Variants in SLC47A2 observed in about 807,000 individuals in gnomAD.
SLC47A2 encodes the protein solute carrier family 47 member 2, also known as multidrug and toxin extrusion protein 2.
A neutral mutation model predicts 67.7 loss-of-function variants in SLC47A2; 52 were observed. The observed-to-expected ratio is 0.77, with a 90% CI of 0.61 to 0.97. The LOEUF (loss-of-function observed/expected upper bound fraction) is 0.97, where lower values mean the gene tolerates loss of function less well. Among genes scored for constraint, SLC47A2 ranks in the 50% least tolerant of loss-of-function variants. The probability of loss-of-function intolerance (pLI) is 0.00; values close to 1 mark genes in which losing one functional copy is unlikely to be tolerated. For missense variants in SLC47A2, 676 were observed against 712.3 expected (o/e 0.95, Z 0.58); for synonymous variants, 278 against 292.9 (o/e 0.95, Z 0.52).
intron 10 of SLC47A2, chr17:19,705,215 A>G (rs892703619): frequency 1.0e-5 from 5 of 495,860 alleles, no homozygotes; most frequent in African/African-American, 4.0e-5. Flanking sequence ...TAAAATTCCA[A>G]CATCTGTGAG....
chr17:19,718,856 T>G (rs1236320327), upstream of SLC47A2: 1 of 152,178 alleles, frequency 6.6e-6, no homozygotes, highest in African/African-American at 2.4e-5. Flanking sequence ...CTTCAGGCCC[T>G]CCTTTTGTGG....
At chr17:19,702,359 A>G in intron 13 of SLC47A2, 6 of 985,410 alleles carry the variant, frequency 6.1e-6, no homozygotes, top group Non-Finnish European at 6.0e-6. Flanking sequence ...ACACTGCTGC[A>G]ATTTTTCAGT....
chr17:19,708,886 C>T (rs2086020880), intron 5 of SLC47A2, 126 bp from the exon 6 acceptor site: 8 of 1,230,090 alleles, frequency 6.5e-6, no homozygotes, highest in Non-Finnish European at 9.2e-6. Context: ...CAAAGTATGT[C>T]TGGGACCTCT....
intron 13 of SLC47A2, among the ~76,000 whole-genome samples, chr17:19,684,340 G>C (rs1597590889): frequency 6.6e-6 from 1 of 152,024 alleles, no homozygotes; most frequent in Non-Finnish European, 1.5e-5. Context: ...ATAAGTCAAA[G>C]AATAAATCAC....
chr17:19,717,132 T>C (rs2086286320), upstream of SLC47A2: 1 of 153,464 alleles, frequency 6.5e-6, no homozygotes, highest in Non-Finnish European at 1.4e-5. Flanking sequence ...TAGCCTTTCA[T>C]GCTGGAGGGG....
chr17:19,696,233 A>C (rs1426445161), intron 13 of SLC47A2, among the ~76,000 whole-genome samples: 2 of 149,802 alleles, frequency 1.3e-5, no homozygotes, highest in African/African-American at 4.9e-5. Context: ...TGGGCAGATC[A>C]TGAGATCAGG....
chr17:19,686,392 G>A (rs139056838), intron 13 of SLC47A2, among the ~76,000 whole-genome samples: 88 of 152,212 alleles, frequency 5.8e-4, no homozygotes, highest in African/African-American at 2.0e-3. Context: ...AAGAAAGGAA[G>A]AGAAGACCAC....
chr17:19,717,415 C>G (rs1159741943), upstream of SLC47A2: 1 of 152,416 alleles, frequency 6.6e-6, no homozygotes, highest in Non-Finnish European at 1.5e-5. Flanking sequence ...TCAAGACCAG[C>G]AGGGCAGTGG....
At chr17:19,693,505 G>A (rs2085588614) in intron 13 of SLC47A2, among the ~76,000 whole-genome samples, 1 of 152,042 alleles carries the variant, frequency 6.6e-6, no homozygotes, top group East Asian at 1.9e-4. Context: ...GGGCACAGTG[G>A]CTTACACCTG....
chr17:19,684,725 A>C (rs887382265), intron 13 of SLC47A2, among the ~76,000 whole-genome samples: 1 of 151,978 alleles, frequency 6.6e-6, no homozygotes, highest in African/African-American at 2.4e-5. Flanking sequence ...AAAGTTAAAA[A>C]ATAAATAGAT....
intron 13 of SLC47A2, among the ~76,000 whole-genome samples, chr17:19,686,560 A>T (rs1015446865): frequency 2.4e-4 from 36 of 152,352 alleles, no homozygotes; most frequent in African/African-American, 8.7e-4. Flanking sequence ...CAAGATGCAC[A>T]CTTCACCTAC....
chr17:19,707,186 C>A (rs1242991046), intron 8 of SLC47A2, among the ~76,000 whole-genome samples: 1 of 151,872 alleles, frequency 6.6e-6, no homozygotes, highest in Non-Finnish European at 1.5e-5. Flanking sequence ...TTGGAAGGGG[C>A]TCAGCCAGGG....
At chr17:19,679,801 G>T in intron 16 of SLC47A2, 151 bp downstream of exon 16, 2 of 728,640 alleles carry the variant, frequency 2.7e-6, no homozygotes, top group Non-Finnish European at 4.3e-6. Flanking sequence ...TGTCTTCCTG[G>T]TGCTTAGGAC....
chr17:19,701,977 C>T (rs762730146), intron 13 of SLC47A2: 30 of 220,390 alleles, frequency 1.4e-4, no homozygotes, highest in Non-Finnish European at 2.1e-4. Flanking sequence ...GATGTGGTGG[C>T]ATGCACCTGT....
Position 19,685,901 on chromosome 17 carries a change from G to A in SLC47A2, c.1165-4231C>T, listed in dbSNP as rs947828956. Among the ~76,000 whole-genome samples the A allele has an allele frequency of 6.6e-6, 1 of 152,174 alleles. No homozygotes were observed. Among genetic ancestry groups the A allele is most frequent in the African/African-American group, 2.4e-5 (1 of 41,450 alleles). On this transcript the variant is annotated intron_variant, in intron 13 of 16. Transcript: ENST00000433844. The surrounding 1 kb of genome is among the most constrained non-coding windows in gnomAD (Gnocchi z 4.5). Reference sequence around the variant, plus strand: ...AGAAACAGCAGGGGATGAAGTTAAAGTTTTTCTTAATTTTCTCTGCTTGTT... The same window carrying A: ...AGAAACAGCAGGGGATGAAGTTAAAATTTTTCTTAATTTTCTCTGCTTGTT...
intron 13 of SLC47A2, among the ~76,000 whole-genome samples, chr17:19,686,065 C>A (rs1475348721): frequency 6.6e-6 from 1 of 152,108 alleles, no homozygotes; most frequent in Non-Finnish European, 1.5e-5. Flanking sequence ...AGTTCAAGAC[C>A]AGCCTGGCCA....
At chr17:19,709,266 C>T (rs532528298) in intron 5 of SLC47A2, among the ~76,000 whole-genome samples, 1 of 152,300 alleles carries the variant, frequency 6.6e-6, no homozygotes, top group South Asian at 2.1e-4. Flanking sequence ...ACGGGGGTGG[C>T]GGGCCCTTCC....
At position 19,678,754 on chromosome 17, in the gene SLC47A2, C is replaced by G. The variant is rs761378896; in HGVS notation, c.1633G>C (p.Ala545Pro). Residue 545 changes from alanine (A) to proline (P), a missense_variant, in exon 17 of 17, where the codon GCT becomes CCT. Ala to Pro is a conservative substitution (Grantham distance 27). Transcript: ENST00000433844. ...VKQLVIRRGA[A>P]LGAASATLMV... The stretch of plus-strand genomic sequence containing the variant: ...AGTGTGGCTGACGCCGCCCCCAGAG[C>G]AGCCCCACGGCGGATGACCAGCTGT... The G allele has an allele frequency of 9.3e-6, 15 of 1,613,976 alleles. No homozygotes were observed. The African/African-American group carries it at 1.1e-4, about 11-fold the overall frequency.
intron 13 of SLC47A2, among the ~76,000 whole-genome samples, chr17:19,693,752 C>T (rs766016744): frequency 5.9e-5 from 9 of 152,066 alleles, no homozygotes; most frequent in Non-Finnish European, 1.0e-4. Flanking sequence ...GAGCCAAGAT[C>T]GCGCCATTGC....
Sources: allele counts gnomAD v4.1 joint callset (sites outside exome capture counted in the v4.1 genomes callset), GRCh38; gene constraint gnomAD v4.1.1; non-coding constraint Gnocchi (gnomAD v3.1); transcripts MANE v1.5; gene names NCBI Gene and HGNC (gene_info 2026-07-23, HGNC 2026-07-21).